CACNA1I: variants seen among roughly 807,000 people sequenced by gnomAD.
CACNA1I encodes the protein voltage-dependent T-type calcium channel subunit alpha-1I.
Under a neutral mutation model 201.6 loss-of-function variants are expected in CACNA1I, and 74 were observed. The ratio of observed to expected loss-of-function variants is 0.37; its 90% confidence interval spans 0.30 to 0.45. CACNA1I has a LOEUF of 0.45. Ranked by LOEUF, CACNA1I falls within the 20% of genes least tolerant of loss-of-function variation. CACNA1I has a pLI of 1.00. For missense variants in CACNA1I, 2,346 were observed against 3,138.1 expected (o/e 0.75, Z 6.03); for synonymous variants, 1,431 against 1,345.2 (o/e 1.06, Z -1.40).
In CACNA1I at chr22:39,643,144, G is replaced by A. The variant is rs73885297; in HGVS notation, c.1149+255G>A. On this transcript the variant is annotated intron_variant, in intron 7 of 36. Coordinates refer to ENST00000402142, the MANE Select transcript of CACNA1I (RefSeq NM_021096.4). ...ATGTGTGGGCACTTACTTCCCCACC[G>A]ATGCTCTGCTCCTGTTTCTCTGCCT... Among the ~76,000 whole-genome samples, 490 of 152,314 alleles carry A rather than the reference G, an allele frequency of 3.2e-3. 4 individuals are homozygous for A. The highest frequency in any genetic ancestry group is 0.011 in the African/African-American group (468 of 41,554).
rs1454483723 is a variant in CACNA1I at position 39,685,867 on chromosome 22, C to T, written c.6134C>T (p.Ala2045Val). 3.4e-6 allele frequency: 5 copies of T among 1,467,796 alleles called. No individual in the cohort carries two copies. In the African/African-American group the frequency reaches 5.9e-5, roughly 17 times the overall value. The allele number at this position is 1,467,796 out of a possible 1,614,324, so 90.9% of individuals were successfully genotyped here. ...SLTLSDSPRR[A>V]LGPPAPAPGP... Reference sequence around the variant, plus strand: ...ACCCTGAGCGACAGCCCCCGGCGTGCCCTGGGGCCGCCCGCGCCTGCTCCA... The same window carrying T: ...ACCCTGAGCGACAGCCCCCGGCGTGTCCTGGGGCCGCCCGCGCCTGCTCCA... The change falls in exon 37 of 37, where the codon GCC becomes GTC. Residue 2045 changes from alanine (A) to valine (V), a missense_variant. Physicochemically the swap from Ala to Val is moderately conservative, Grantham distance 64. This residue lies in a region of CACNA1I where 441 missense variants were observed against 555.6 expected (regional missense o/e 0.79). Coordinates refer to ENST00000402142, the MANE Select transcript of CACNA1I (RefSeq NM_021096.4). The surrounding 1 kb of genome is among the most constrained non-coding windows in gnomAD (Gnocchi z 5.0).
chr22:39,636,213 C>G (rs1295506527), intron 5 of CACNA1I, among the ~76,000 whole-genome samples: 1 of 152,234 alleles, frequency 6.6e-6, no homozygotes, highest in Non-Finnish European at 1.5e-5. Context: ...ATGTCTCCTC[C>G]TCTGTGGTCT....
At chr22:39,654,082 G>A (rs1934741012) in intron 10 of CACNA1I, among the ~76,000 whole-genome samples, 1 of 152,218 alleles carries the variant, frequency 6.6e-6, no homozygotes, top group Non-Finnish European at 1.5e-5. Flanking sequence ...GTGATCCTCT[G>A]GCAGTCTTGT....
chr22:39,616,870 C>T (rs911580422), intron 3 of CACNA1I, among the ~76,000 whole-genome samples: 3 of 152,098 alleles, frequency 2.0e-5, no homozygotes, highest in Non-Finnish European at 4.4e-5. Context: ...TATCCTGGGG[C>T]AGGGGCCATG....
chr22:39,595,150 G>A (rs1028212699), intron 1 of CACNA1I, among the ~76,000 whole-genome samples: 21 of 151,544 alleles, frequency 1.4e-4, no homozygotes, highest in South Asian at 2.1e-4. Flanking sequence ...TTAGCCGGGC[G>A]TGGTGGCGGG....
In CACNA1I at chr22:39,686,342, C is replaced by G. The variant is rs1276324749; in HGVS notation, c.6609C>G (p.Pro2203=). The G allele has an allele frequency of 3.0e-5, 40 of 1,313,636 alleles. No individual in the cohort carries two copies. Among genetic ancestry groups the G allele is most frequent in the Non-Finnish European group, 3.8e-5 (39 of 1,029,730 alleles). The allele number at this position is 1,313,636 out of a possible 1,614,324, so 81.4% of individuals were successfully genotyped here. A position where few individuals can be genotyped will look rare whatever the true frequency, so the allele number is the denominator to read the frequency against. Residue 2203 remains proline (P), a synonymous_variant, in exon 37 of 37, where the codon CCC becomes CCG. Transcript: ENST00000402142. ...CCATGGGCCTGGGCCCCTTGGCGCC[C>G]CCGCCGCAACCGCTCCCCGGAGAGC... is the stretch of plus-strand genomic sequence containing the variant. ...PLPMGLGPLA[P]PPQPLPGELE...
At chr22:39,574,457 G>A (rs1405950390) in intron 1 of CACNA1I, among the ~76,000 whole-genome samples, 1 of 152,090 alleles carries the variant, frequency 6.6e-6, no homozygotes, top group Non-Finnish European at 1.5e-5. Context: ...AGCTCAGGGT[G>A]GGCTTTAGGG....
chr22:39,607,292 C>G (rs981287401), intron 3 of CACNA1I, among the ~76,000 whole-genome samples: 2 of 152,238 alleles, frequency 1.3e-5, no homozygotes, highest in Admixed American at 6.5e-5. Context: ...CCCCACTCCC[C>G]AAACACATGC....
At chr22:39,632,466 A>C (rs2146409876) in intron 4 of CACNA1I, among the ~76,000 whole-genome samples, 1 of 152,224 alleles carries the variant, frequency 6.6e-6, no homozygotes, top group East Asian at 1.9e-4. Context: ...AAGGCTTCGC[A>C]TCCTGGAGTC....
Position 39,598,941 on chromosome 22 carries a change from G to GTTTTTTTT in CACNA1I, c.348+696_348+703dup, listed in dbSNP as rs3044380. On this transcript the variant is annotated intron_variant, in intron 2 of 36. Transcript: ENST00000402142. ...GGAGGCATTGCTTTCTGCCTCTTGGGTTTTTTTTTTTTTTTTTTTTTTTTG... is the reference window on the plus strand; with the variant it reads ...GGAGGCATTGCTTTCTGCCTCTTGGGTTTTTTTTTTTTTTTTTTTTTTTTTTTTTTTTG... Among the ~76,000 whole-genome samples, 24 of 68,264 alleles carry GTTTTTTTT rather than the reference G, an allele frequency of 3.5e-4. 2 individuals are homozygous for GTTTTTTTT. Among genetic ancestry groups the GTTTTTTTT allele is most frequent in the Admixed American group, 4.5e-4 (2 of 4,414 alleles). The allele number at this position is 68,264 out of a possible 152,430, so 44.8% of individuals were successfully genotyped here.
intron 29 of CACNA1I, among the ~76,000 whole-genome samples, chr22:39,675,577 C>T (rs995443238): frequency 6.6e-6 from 1 of 152,232 alleles, no homozygotes; most frequent in Non-Finnish European, 1.5e-5. Context: ...GGTGCTTACC[C>T]CTCAAAATCC....
intron 1 of CACNA1I, among the ~76,000 whole-genome samples, chr22:39,588,058 G>A (rs953445735): frequency 1.3e-5 from 2 of 151,596 alleles, no homozygotes; most frequent in African/African-American, 4.8e-5. Context: ...TTACAGGTAA[G>A]ACACTGTGCT....
In CACNA1I at chr22:39,688,991, A is replaced by C. The variant is rs771140309; in HGVS notation, c.*2586A>C. 6.5e-6 allele frequency: 1 copy of C among 152,694 alleles called. No homozygotes were observed. Among genetic ancestry groups the C allele is most frequent in the Non-Finnish European group, 1.5e-5 (1 of 68,098 alleles). 9.5% of individuals were successfully genotyped at this position (152,694 alleles called of 1,614,324 possible). On this transcript the variant is annotated 3_prime_UTR_variant, in exon 37 of 37. Transcript: ENST00000402142. The surrounding 1 kb of genome is among the most constrained non-coding windows in gnomAD (Gnocchi z 4.8). ...TGGGTGACAGAGATGAGAACCAGGGAAGCTGTGATCCACTGGCCAGGACAA... is the reference window on the plus strand; with the variant it reads ...TGGGTGACAGAGATGAGAACCAGGGCAGCTGTGATCCACTGGCCAGGACAA...
In CACNA1I at chr22:39,649,957, G is replaced by A; in HGVS notation, c.1992+32G>A. ...GCAGCGCAGCCGGGCCGGGCCTGCGGGAGAGGTGTGAGGGCCCCAGGACCC... is the reference window on the plus strand; with the variant it reads ...GCAGCGCAGCCGGGCCGGGCCTGCGAGAGAGGTGTGAGGGCCCCAGGACCC... On this transcript the variant is annotated intron_variant, in intron 10 of 36. Coordinates refer to ENST00000402142, the MANE Select transcript of CACNA1I (RefSeq NM_021096.4). This position sits in a 1 kb window ranked among gnomAD's most constrained non-coding sequence, Gnocchi z 7.3. The A allele has an allele frequency of 6.2e-7, 1 of 1,611,906 alleles. No individual in the cohort carries two copies. Among genetic ancestry groups the A allele is most frequent in the African/African-American group, 1.3e-5 (1 of 74,976 alleles).
At chr22:39,638,863 A>G (rs1934286866) in intron 5 of CACNA1I, among the ~76,000 whole-genome samples, 2 of 152,192 alleles carry the variant, frequency 1.3e-5, no homozygotes, top group South Asian at 4.1e-4. Context: ...AGATTCTCAT[A>G]AGGAGTGCAC....
intron 7 of CACNA1I, among the ~76,000 whole-genome samples, chr22:39,644,490 G>A (rs560118271): frequency 6.6e-6 from 1 of 152,272 alleles, no homozygotes; most frequent in African/African-American, 2.4e-5. Flanking sequence ...GTCACAGGAC[G>A]ATGAGTGCTG....
At chr22:39,591,114 A>C (rs939571551) in intron 1 of CACNA1I, among the ~76,000 whole-genome samples, 3 of 150,318 alleles carry the variant, frequency 2.0e-5, no homozygotes, top group African/African-American at 4.9e-5. Context: ...GCCCTCCCAA[A>C]GTGCTGGGAT....
chr22:39,592,171 G>A (rs962543937), intron 1 of CACNA1I, among the ~76,000 whole-genome samples: 26 of 152,298 alleles, frequency 1.7e-4, no homozygotes, highest in Admixed American at 2.6e-4. Context: ...TGCTTGGGAC[G>A]GCTTTGCCTG....
At position 39,641,104 on chromosome 22, in the gene CACNA1I, C is replaced by T; in HGVS notation, c.978C>T (p.Cys326=). The change falls in exon 6 of 37, where the codon TGC becomes TGT. Residue 326 remains cysteine, a synonymous_variant. Coordinates refer to ENST00000402142, the MANE Select transcript of CACNA1I (RefSeq NM_021096.4). ...ACTGGAACCGTTACTACAATGTGTG[C>T]CGCACGGGCAGCGCCAACCCCCACA... The part of the protein sequence containing the change: ...CVNWNRYYNV[C]RTGSANPHKG... 6.2e-7 allele frequency: 1 copy of T among 1,614,022 alleles called. No homozygotes were observed. Among genetic ancestry groups the T allele is most frequent in the Non-Finnish European group, 8.5e-7 (1 of 1,179,892 alleles).
Sources: allele counts gnomAD v4.1 joint callset (sites outside exome capture counted in the v4.1 genomes callset), GRCh38; gene constraint gnomAD v4.1.1; regional missense constraint gnomAD v4.1.1; non-coding constraint Gnocchi (gnomAD v3.1); transcripts MANE v1.5; gene names NCBI Gene and HGNC (gene_info 2026-07-23, HGNC 2026-07-21).